Variants in PARN observed in about 807,000 individuals in gnomAD.
PARN encodes poly(A)-specific ribonuclease, also known as poly(A)-specific ribonuclease PARN.
A neutral mutation model predicts 102.8 loss-of-function variants in PARN; 71 were observed. The ratio of observed to expected loss-of-function variants is 0.69; its 90% CI spans 0.57 to 0.84. The LOEUF is 0.84. PARN is among the 40% of genes least tolerant of loss of function. The pLI is 0.00. For synonymous variants in PARN, 261 were observed against 252.9 expected (o/e 1.03, Z -0.30); for missense variants, 782 against 760.9 (o/e 1.03, Z -0.33).
At chr16:14,556,304 G>A (rs960220244) in intron 18 of PARN, among the ~76,000 whole-genome samples, 2 of 152,008 alleles carry the variant, frequency 1.3e-5, no homozygotes, top group African/African-American at 4.8e-5. Context: ...GACTACAGGC[G>A]TATGCCACCA....
At chr16:14,530,955 T>G (rs1302729456) in intron 21 of PARN, among the ~76,000 whole-genome samples, 1 of 151,674 alleles carries the variant, frequency 6.6e-6, no homozygotes, top group Non-Finnish European at 1.5e-5. Context: ...ATTCATTCAT[T>G]CATGCATGCA....
intron 5 of PARN, among the ~76,000 whole-genome samples, chr16:14,625,208 A>C (rs77538343): frequency 0.016 from 2,281 of 146,642 alleles, 52 homozygotes; most frequent in African/African-American, 0.047. Flanking sequence ...CAAAAAAAAA[A>C]CAAAACAAAA....
intron 21 of PARN, among the ~76,000 whole-genome samples, chr16:14,533,426 AGGGAGAGGGAGAGGGAGAGGGAG>A (rs1966465134): frequency 4.6e-3 from 2 of 434 alleles, no homozygotes; most frequent in African/African-American, 0.029. Context: ...GGAGACGGAG[AGGGAGAGGGAGAGGGAGAGGGAG>A]AGGGAGAGGG....
In PARN at chr16:14,531,275, G is replaced by A. The variant is rs146360125; in HGVS notation, c.1480+20746C>T. 5.3e-5 allele frequency among the ~76,000 whole-genome samples: 8 copies of A among 152,034 alleles called. 1 individual carries two copies. Among genetic ancestry groups the A allele is most frequent in the Non-Finnish European group, 7.4e-5 (5 of 67,958 alleles). On this transcript the variant is annotated intron_variant, in intron 21 of 23. Transcript: ENST00000437198. Reference sequence around the variant, plus strand: ...CAGGAGAATTGCTAGAACCCAGAACGCAGAGGTTGCAGGGAGGCAGAGGTT... The same window carrying A: ...CAGGAGAATTGCTAGAACCCAGAACACAGAGGTTGCAGGGAGGCAGAGGTT...
intron 21 of PARN, among the ~76,000 whole-genome samples, chr16:14,542,015 T>C (rs975065219): frequency 7.9e-5 from 12 of 151,892 alleles, no homozygotes; most frequent in Non-Finnish European, 1.3e-4. Flanking sequence ...AGAGAATGAT[T>C]TTTTTTTGAG....
chr16:14,504,772 T>C (rs967611084), intron 21 of PARN, among the ~76,000 whole-genome samples: 2 of 152,176 alleles, frequency 1.3e-5, no homozygotes, highest in Non-Finnish European at 2.9e-5. Flanking sequence ...ATTTTAAGCA[T>C]TGAGAAAAAC....
intron 21 of PARN, among the ~76,000 whole-genome samples, chr16:14,511,942 G>C (rs865844716): frequency 6.6e-6 from 1 of 152,118 alleles, no homozygotes; most frequent in African/African-American, 2.4e-5. Context: ...CTCAGTCTCA[G>C]CCTCCCAAAG....
chr16:14,584,298 C>T lies in PARN; in HGVS notation c.1081+49G>A, dbSNP rs1282802655. The stretch of plus-strand genomic sequence containing the variant: ...TCTGCTTTTCTTCTACAATATACAT[C>T]AATAATTATTACAAAGAGTTTGGAG... On this transcript the variant is annotated intron_variant, in intron 16 of 23. Coordinates refer to ENST00000437198, the MANE Select transcript of PARN (RefSeq NM_002582.4). 4 of 1,288,674 alleles carry T rather than the reference C, an allele frequency of 3.1e-6. No homozygotes were observed. In the East Asian group the frequency reaches 6.9e-5, roughly 22 times the overall value. The allele number at this position is 1,288,674 out of a possible 1,614,324, so 79.8% of individuals were successfully genotyped here.
intron 18 of PARN, among the ~76,000 whole-genome samples, chr16:14,579,447 T>C (rs1359809115): frequency 6.6e-6 from 1 of 152,168 alleles, no homozygotes; most frequent in East Asian, 1.9e-4. Flanking sequence ...GTGTAAATAT[T>C]TACAAATGAC....
intron 12 of PARN, among the ~76,000 whole-genome samples, chr16:14,596,698 G>C (rs1970536358): frequency 6.6e-6 from 1 of 151,908 alleles, no homozygotes; most frequent in Non-Finnish European, 1.5e-5. Flanking sequence ...GTGAGCCAGT[G>C]TACTCCCAGC....
intron 22 of PARN, among the ~76,000 whole-genome samples, chr16:14,475,277 T>C (rs754765700): frequency 6.6e-6 from 1 of 152,238 alleles, no homozygotes; most frequent in Non-Finnish European, 1.5e-5. Flanking sequence ...GGAATAGTAA[T>C]AGCACCTATC....
chr16:14,482,599 G>C, intron 22 of PARN, 39 bp downstream of exon 22: 4 of 1,470,860 alleles, frequency 2.7e-6, no homozygotes, highest in Non-Finnish European at 3.7e-6. Flanking sequence ...GCCATTGCTA[G>C]AACTCTGGCC....
At chr16:14,462,407 CG>C (rs1380471782) in intron 22 of PARN, among the ~76,000 whole-genome samples, 1 of 151,778 alleles carries the variant, frequency 6.6e-6, no homozygotes, top group African/African-American at 2.4e-5. Flanking sequence ...CATTTAACCA[CG>C]GGAGTTCCAG....
rs371072064 is a variant in PARN, at chr16:14,610,740, G to A, written c.458C>T (p.Ala153Val). 8.7e-6 allele frequency: 14 copies of A among 1,607,160 alleles called. No individual in the cohort carries two copies. Among genetic ancestry groups the A allele is most frequent in the Middle Eastern group, 3.3e-4 (2 of 6,050 alleles). The stretch of plus-strand genomic sequence containing the variant: ...ATAGGACAGAGCTCCTGCACCATTC[G>A]CCTGTGAACGTTTTTCATCATACTG... Reference protein sequence around the residue: ...REQYDEKRSQANGAGALSYVS... With the variant: ...REQYDEKRSQVNGAGALSYVS... The change falls in exon 7 of 24, where the codon GCG (alanine) becomes GTG (valine). Residue 153 changes from alanine (A) to valine (V), a missense_variant. By Grantham distance (64) the Ala-to-Val change is moderately conservative. Transcript: ENST00000437198.
intron 22 of PARN, among the ~76,000 whole-genome samples, chr16:14,470,815 G>T (rs1317453598): frequency 1.3e-5 from 2 of 151,686 alleles, no homozygotes; most frequent in African/African-American, 4.8e-5. Flanking sequence ...CTGTTGCCCA[G>T]GGTCTTGCTC....
intron 18 of PARN, among the ~76,000 whole-genome samples, chr16:14,562,357 C>T (rs4539622): frequency 6.8e-6 from 1 of 146,066 alleles, no homozygotes; most frequent in Non-Finnish European, 1.5e-5. Flanking sequence ...ACTTGGGAGG[C>T]TAAGGCAGGA....
At chr16:14,465,820 T>A (rs547054426) in intron 22 of PARN, among the ~76,000 whole-genome samples, 1 of 152,292 alleles carries the variant, frequency 6.6e-6, no homozygotes, top group African/African-American at 2.4e-5. Context: ...CTATCCTATT[T>A]GTAAGTCAAA....
chr16:14,586,388 C>G lies in PARN; in HGVS notation c.919-27G>C, dbSNP rs771969593. 7 of 1,404,782 alleles carry G rather than the reference C, an allele frequency of 5.0e-6. No individual in the cohort carries two copies. The South Asian group carries it at 8.7e-5, about 17-fold the overall frequency. 87.0% of individuals were successfully genotyped at this position (1,404,782 alleles called of 1,614,324 possible). Reference sequence around the variant, plus strand: ...TAAAGAACAAGAGAAGGACTTGTTACAATTTTCCTAATACACTCGCAGTAT... The same window carrying G: ...TAAAGAACAAGAGAAGGACTTGTTAGAATTTTCCTAATACACTCGCAGTAT... On this transcript the variant is annotated intron_variant, in intron 13 of 23. Coordinates refer to ENST00000437198, the MANE Select transcript of PARN (RefSeq NM_002582.4).
chr16:14,463,320 T>A (rs777868075), intron 22 of PARN, among the ~76,000 whole-genome samples: 5 of 152,082 alleles, frequency 3.3e-5, no homozygotes, highest in Non-Finnish European at 7.4e-5. Flanking sequence ...AAATATCTAG[T>A]ACACCACAAG....
Sources: allele counts gnomAD v4.1 joint callset (sites outside exome capture counted in the v4.1 genomes callset), GRCh38; gene constraint gnomAD v4.1.1; transcripts MANE v1.5; gene names NCBI Gene and HGNC (gene_info 2026-07-23, HGNC 2026-07-21).